RBFOX1: variants seen among roughly 807,000 people sequenced by gnomAD.
RBFOX1 encodes the protein RNA binding protein fox-1 homolog 1.
RBFOX1 carries 8 observed loss-of-function variants against 57.7 expected under a neutral mutation model. That is an observed-to-expected ratio of 0.14 (90% confidence interval 0.08 to 0.25). The LOEUF is 0.25. Ranked by LOEUF, RBFOX1 falls within the 10% of genes least tolerant of loss-of-function variation. The pLI is 1.00. For missense variants in RBFOX1, 611 were observed against 548.5 expected (o/e 1.11, Z -1.14); for synonymous variants, 326 against 222.4 (o/e 1.47, Z -4.15).
At chr16:5,982,748 T>G (rs2060199196) in intron 4 of RBFOX1, among the ~76,000 whole-genome samples, 1 of 152,230 alleles carries the variant, frequency 6.6e-6, no homozygotes, top group Non-Finnish European at 1.5e-5. Context: ...TACTGTGCTG[T>G]GTTTTCCTTA....
rs1253485523 is a variant in RBFOX1, at chr16:7,296,734, C to T, written c.28-221413C>T. ...TGGGCCATGCAACCGTTTTCAGAGT[C>T]CCAGGACTCTGGGCCTTTCTTTCGG... On this transcript the variant is annotated intron_variant, in intron 4 of 15. Transcript: ENST00000550418. Among the ~76,000 whole-genome samples, 7 of 152,212 alleles carry T rather than the reference C, an allele frequency of 4.6e-5. No homozygotes were observed. In the East Asian group the frequency reaches 1.4e-3, roughly 30 times the overall value.
chr16:7,653,779 C>T (rs758606871), intron 11 of RBFOX1, 36 bp from the exon 12 acceptor site: 1 of 1,522,906 alleles, frequency 6.6e-7, no homozygotes, highest in Non-Finnish European at 8.9e-7. Flanking sequence ...ATCTGACAGC[C>T]TGTGCTCTCT....
chr16:5,718,451 A>G (rs1045873823), intron 3 of RBFOX1, among the ~76,000 whole-genome samples: 3 of 152,338 alleles, frequency 2.0e-5, no homozygotes, highest in South Asian at 2.1e-4. Context: ...TGTTATTTTG[A>G]TGATAGCTAA....
intron 4 of RBFOX1, among the ~76,000 whole-genome samples, chr16:7,387,976 T>G (rs2097912983): frequency 6.6e-6 from 1 of 152,178 alleles, no homozygotes; most frequent in Admixed American, 6.5e-5. Flanking sequence ...GCTCTCTTGT[T>G]CAGCTATTGT....
intron 5 of RBFOX1, among the ~76,000 whole-genome samples, chr16:7,548,236 A>T (rs1019200593): frequency 6.6e-6 from 1 of 152,124 alleles, no homozygotes; most frequent in African/African-American, 2.4e-5. Context: ...CAGTGGTGTG[A>T]TCTTGGCTCA....
At chr16:7,206,352 G>A (rs889774777) in intron 4 of RBFOX1, among the ~76,000 whole-genome samples, 6 of 151,824 alleles carry the variant, frequency 4.0e-5, no homozygotes, top group African/African-American at 1.2e-4. Flanking sequence ...TGCCAAGTAA[G>A]CCTAACATAC....
intron 1 of RBFOX1, among the ~76,000 whole-genome samples, chr16:6,208,927 A>G (rs950493071): frequency 2.6e-5 from 4 of 151,874 alleles, no homozygotes; most frequent in Admixed American, 6.6e-5. Flanking sequence ...TTCAGGCCAT[A>G]TATTGTGTTA....
rs77851670 is a variant in RBFOX1, at chr16:7,394,050, C to G, written c.28-124097C>G. On this transcript the variant is annotated intron_variant, in intron 4 of 15. Transcript: ENST00000550418. ...CAGGAGTTGGAGACCATCCTGGCCA[C>G]AATGGTGAAACCCCATCTCTACGAA... Among the ~76,000 whole-genome samples the G allele has an allele frequency of 4.0e-4, 60 of 151,698 alleles. 1 individual carries two copies. The highest frequency in any genetic ancestry group is 1.3e-3 in the African/African-American group (54 of 41,348).
At chr16:7,268,503 C>G (rs955484227) in intron 4 of RBFOX1, among the ~76,000 whole-genome samples, 3 of 152,180 alleles carry the variant, frequency 2.0e-5, no homozygotes, top group Non-Finnish European at 4.4e-5. Flanking sequence ...TCCAAAGATG[C>G]TCTGCGGTAA....
intron 14 of RBFOX1, among the ~76,000 whole-genome samples, chr16:7,705,397 C>T (rs537615933): frequency 6.6e-5 from 10 of 151,680 alleles, no homozygotes; most frequent in Non-Finnish European, 1.5e-4. Flanking sequence ...CCCAGCTATT[C>T]GGGAGGCTGA....
At chr16:7,462,148 C>G (rs2059694639) in intron 4 of RBFOX1, among the ~76,000 whole-genome samples, 1 of 152,150 alleles carries the variant, frequency 6.6e-6, no homozygotes. Context: ...GTGGAGGGCT[C>G]CTGCCCAGCC....
chr16:7,620,027 T>C (rs1260649695), intron 10 of RBFOX1, among the ~76,000 whole-genome samples: 1 of 152,212 alleles, frequency 6.6e-6, no homozygotes, highest in East Asian at 1.9e-4. Flanking sequence ...ATTCATTTAA[T>C]ACTAAAATAT....
At chr16:6,675,967 G>A (rs41363348) in intron 3 of RBFOX1, among the ~76,000 whole-genome samples, 2,288 of 152,136 alleles carry the variant, frequency 0.015, 36 homozygotes, top group African/African-American at 0.048. Flanking sequence ...TTGGACAAGC[G>A]TCAGCTTTAC....
rs561139797 is a variant in RBFOX1 at position 7,601,861 on chromosome 16, G to A, written c.622+4430G>A. 2.0e-4 allele frequency among the ~76,000 whole-genome samples: 30 copies of A among 152,218 alleles called. No homozygotes were observed. In the East Asian group the frequency reaches 2.1e-3, roughly 11 times the overall value. On this transcript the variant is annotated intron_variant, in intron 9 of 15. Coordinates refer to ENST00000550418, the MANE Select transcript of RBFOX1 (RefSeq NM_018723.4). Reference sequence around the variant, plus strand: ...TATTTTAGACGGAATTTAAATTTTGGCAATAAATACACGCCGTTAAAGAAT... The same window carrying A: ...TATTTTAGACGGAATTTAAATTTTGACAATAAATACACGCCGTTAAAGAAT...
intron 4 of RBFOX1, among the ~76,000 whole-genome samples, chr16:7,161,921 A>T (rs2078411328): frequency 6.6e-6 from 1 of 152,232 alleles, no homozygotes. Context: ...AAACACACTC[A>T]AAGGTTTTGG....
intron 1 of RBFOX1, among the ~76,000 whole-genome samples, chr16:6,158,942 G>A (rs995252867): frequency 2.0e-5 from 3 of 150,556 alleles, no homozygotes; most frequent in Non-Finnish European, 4.4e-5. Flanking sequence ...TCTCTCTGTT[G>A]CCCAGGCTGG....
rs1372306608 is a variant in RBFOX1, at chr16:6,310,913, AAAAAAAAG to A, written c.-126-6079_-126-6072del. Among the ~76,000 whole-genome samples, 5 of 151,968 alleles carry A rather than the reference AAAAAAAAG, an allele frequency of 3.3e-5. No individual in the cohort carries two copies. In the East Asian group the frequency reaches 5.8e-4, roughly 18 times the overall value. Reference sequence around the variant, plus strand: ...TTTACCAGTGGTTTAAAAAAAAAAAAAAAAAAAGAACAGAATCCCAGACATAGGAAACA... The same window carrying A: ...TTTACCAGTGGTTTAAAAAAAAAAAAAACAGAATCCCAGACATAGGAAACA... On this transcript the variant is annotated intron_variant, in intron 1 of 15. Coordinates refer to ENST00000550418, the MANE Select transcript of RBFOX1 (RefSeq NM_018723.4).
At chr16:5,919,988 G>T (rs1215977188) in intron 4 of RBFOX1, among the ~76,000 whole-genome samples, 2 of 152,072 alleles carry the variant, frequency 1.3e-5, no homozygotes, top group Non-Finnish European at 2.9e-5. Flanking sequence ...GCCCAGGCTG[G>T]AGTGCAGTGG....
intron 1 of RBFOX1, among the ~76,000 whole-genome samples, chr16:5,364,158 A>G (rs2065638531): frequency 1.3e-5 from 2 of 152,214 alleles, no homozygotes; most frequent in Non-Finnish European, 2.9e-5. Context: ...CAGGTTGCCA[A>G]TTGCTTTATT....
Sources: allele counts gnomAD v4.1 joint callset (sites outside exome capture counted in the v4.1 genomes callset), GRCh38; gene constraint gnomAD v4.1.1; transcripts MANE v1.5; gene names NCBI Gene and HGNC (gene_info 2026-07-23, HGNC 2026-07-21).